Variants in SGPL1 observed in about 807,000 individuals in gnomAD.
SGPL1 encodes the protein sphingosine-1-phosphate lyase 1.
Under a neutral mutation model 68.9 loss-of-function variants are expected in SGPL1, and 37 were observed. The observed-to-expected ratio is 0.54, with a 90% CI of 0.41 to 0.71. The LOEUF is 0.71. SGPL1 is among the 30% of genes least tolerant of loss of function. The probability of loss-of-function intolerance (pLI) is 0.00; values close to 1 mark genes in which losing one functional copy is unlikely to be tolerated. For missense variants in SGPL1, 551 were observed against 704.6 expected, an observed-to-expected ratio of 0.78 and a Z score of 2.47; for synonymous variants, 236 against 248.5, an observed-to-expected ratio of 0.95 and a Z score of 0.47.
intron 14 of SGPL1, 81 bp from the exon 15 acceptor site, chr10:70,877,114 G>A (rs1564633479): frequency 2.1e-6 from 3 of 1,419,108 alleles, no homozygotes; most frequent in Non-Finnish European, 3.0e-6. Context: ...AGGACTCGGG[G>A]AGAAGGGGCT....
At chr10:70,827,936 G>A (rs1309357983) in intron 2 of SGPL1, among the ~76,000 whole-genome samples, 1 of 152,146 alleles carries the variant, frequency 6.6e-6, no homozygotes, top group Non-Finnish European at 1.5e-5. Flanking sequence ...CATTGTGTTT[G>A]TGAGATTCAG....
intron 10 of SGPL1, 70 bp from the exon 11 acceptor site, chr10:70,871,767 C>A: frequency 6.9e-7 from 1 of 1,447,288 alleles, no homozygotes; most frequent in Non-Finnish European, 9.5e-7. Flanking sequence ...ATCTTTCCAC[C>A]CATGTCTTGC....
At chr10:70,875,102 T>C (rs903738599) in intron 12 of SGPL1, among the ~76,000 whole-genome samples, 4 of 152,164 alleles carry the variant, frequency 2.6e-5, no homozygotes, top group African/African-American at 9.7e-5. Context: ...CAGAAGCATC[T>C]AGGGGAATAT....
At chr10:70,825,626 G>T (rs1845419785) in intron 2 of SGPL1, among the ~76,000 whole-genome samples, 1 of 152,168 alleles carries the variant, frequency 6.6e-6, no homozygotes, top group Admixed American at 6.5e-5. Flanking sequence ...AGTAGCCTTA[G>T]AATCTTAATT....
chr10:70,875,262 GA>G (rs1434454548), intron 12 of SGPL1, 139 bp from the exon 13 acceptor site: 5 of 592,520 alleles, frequency 8.4e-6, no homozygotes, highest in African/African-American at 1.9e-5. Flanking sequence ...CTTCTTTTTT[GA>G]AGATGAGAAG....
At chr10:70,864,372 A>G (rs185299016) in intron 7 of SGPL1, among the ~76,000 whole-genome samples, 8 of 152,126 alleles carry the variant, frequency 5.3e-5, no homozygotes, top group Non-Finnish European at 8.8e-5. Flanking sequence ...TGATCTTTCA[A>G]TCTCTGTCTT....
intron 2 of SGPL1, among the ~76,000 whole-genome samples, chr10:70,818,988 T>C (rs1845289420): frequency 6.6e-6 from 1 of 152,224 alleles, no homozygotes; most frequent in Admixed American, 6.5e-5. Context: ...GGATGGTTAA[T>C]GCAGAGTGAC....
rs746362615 is a variant in SGPL1, at chr10:70,873,539, T to C, written c.1248T>C (p.Tyr416=). The C allele has an allele frequency of 3.1e-6, 5 of 1,614,256 alleles. No homozygotes were observed. Among genetic ancestry groups the C allele is most frequent in the Non-Finnish European group, 4.2e-6 (5 of 1,180,022 alleles). ...AALMHFGENG[Y]VEATKQIIKT... The stretch of plus-strand genomic sequence containing the variant: ...TGATGCACTTCGGTGAGAACGGCTA[T>C]GTTGAAGCTACCAAACAGATCATCA... The change falls in exon 12 of 15, where the codon TAT becomes TAC. Residue 416 remains tyrosine, a synonymous_variant. Transcript: ENST00000373202.
rs1239103117 is a variant in SGPL1, at chr10:70,871,896, C to A, written c.969C>A (p.Ile323=). ...HVDACLGGFL[I]VFMEKAGYPL... The stretch of plus-strand genomic sequence containing the variant: ...ACGCTTGTCTGGGAGGCTTCCTCAT[C>A]GTCTTTATGGAGAAAGCAGGATACC... Residue 323 remains isoleucine, a synonymous_variant, in exon 11 of 15, where the codon ATC becomes ATA. Transcript: ENST00000373202. The A allele has an allele frequency of 2.5e-6, 4 of 1,614,016 alleles. No homozygotes were observed. In the East Asian group the frequency reaches 6.7e-5, roughly 27 times the overall value.
chr10:70,831,911 C>T (rs536351523), intron 2 of SGPL1, among the ~76,000 whole-genome samples: 19 of 152,228 alleles, frequency 1.2e-4, no homozygotes, highest in African/African-American at 4.6e-4. Context: ...TTTTTTGGCC[C>T]ACAGTTGGAC....
At chr10:70,856,998 A>G (rs769302408) in intron 5 of SGPL1, among the ~76,000 whole-genome samples, 20 of 152,242 alleles carry the variant, frequency 1.3e-4, no homozygotes, top group Non-Finnish European at 2.2e-4. Context: ...GATCTTGAAT[A>G]TGCTACAGCG....
chr10:70,874,904 CAAAT>C (rs901325965), intron 12 of SGPL1, among the ~76,000 whole-genome samples: 40 of 152,080 alleles, frequency 2.6e-4, no homozygotes, highest in African/African-American at 8.2e-4. Context: ...GACCCTGTCT[CAAAT>C]AAATAAGCAA....
At chr10:70,874,819 T>C (rs1846356958) in intron 12 of SGPL1, among the ~76,000 whole-genome samples, 1 of 152,168 alleles carries the variant, frequency 6.6e-6, no homozygotes, top group South Asian at 2.1e-4. Context: ...AGAGGACTGC[T>C]TGAACAGCCC....
chr10:70,840,208 G>A (rs1845693146), intron 2 of SGPL1, among the ~76,000 whole-genome samples: 1 of 152,092 alleles, frequency 6.6e-6, no homozygotes, highest in South Asian at 2.1e-4. Context: ...ACTGAATACT[G>A]AGTCAAAAGG....
intron 5 of SGPL1, 38 bp from the exon 6 acceptor site, chr10:70,857,576 T>C (rs1277306432): frequency 6.5e-7 from 1 of 1,530,824 alleles, no homozygotes; most frequent in Non-Finnish European, 9.0e-7. Flanking sequence ...TCCCAGAGAT[T>C]CTTGCTTACT....
chr10:70,821,104 G>A (rs1175939814), intron 2 of SGPL1, among the ~76,000 whole-genome samples: 1 of 152,146 alleles, frequency 6.6e-6, no homozygotes, highest in African/African-American at 2.4e-5. Context: ...AGGATAGTTT[G>A]CTTGCCTTTT....
Position 70,876,601 on chromosome 10 carries a change from G to C in SGPL1, c.1506G>C (p.Lys502Asn). 2.5e-6 allele frequency: 4 copies of C among 1,612,926 alleles called. No individual in the cohort carries two copies. The highest frequency in any genetic ancestry group is 3.4e-6 in the Non-Finnish European group (4 of 1,179,046). ...AACGAGTAGCTATACAATTCCTAAA[G>C]GACATTCGAGAATCTGTCACTCAAA... Reference protein sequence around the residue: ...ARKRVAIQFLKDIRESVTQIM... With the variant: ...ARKRVAIQFLNDIRESVTQIM... Residue 502 changes from lysine to asparagine, a missense_variant, in exon 14 of 15, where the codon AAG (lysine) becomes AAC (asparagine). Transcript: ENST00000373202.
chr10:70,829,533 C>A (rs1845496766), intron 2 of SGPL1, among the ~76,000 whole-genome samples: 1 of 151,944 alleles, frequency 6.6e-6, no homozygotes, highest in Admixed American at 6.6e-5. Context: ...TACCTTATCT[C>A]ATTTAATATT....
intron 2 of SGPL1, among the ~76,000 whole-genome samples, chr10:70,840,512 A>AT (rs1845698145): frequency 6.6e-6 from 1 of 152,048 alleles, no homozygotes; most frequent in African/African-American, 2.4e-5. Flanking sequence ...TGTGAGTTGC[A>AT]TCTACATTGG....
Sources: allele counts gnomAD v4.1 joint callset (sites outside exome capture counted in the v4.1 genomes callset), GRCh38; gene constraint gnomAD v4.1.1; transcripts MANE v1.5; gene names NCBI Gene and HGNC (gene_info 2026-07-23, HGNC 2026-07-21).